Variants in PAX2 observed in about 807,000 individuals in gnomAD.
PAX2 encodes paired box protein Pax-2.
A neutral mutation model predicts 41.7 loss-of-function variants in PAX2; 9 were observed. The observed-to-expected ratio is 0.22, with a 90% CI of 0.13 to 0.38. The LOEUF is 0.38. PAX2 is among the 10% of genes least tolerant of loss of function. The pLI is 1.00. For missense variants in PAX2, 418 were observed against 531.6 expected, an observed-to-expected ratio of 0.79 and a Z score of 2.10; for synonymous variants, 221 against 212.7, an observed-to-expected ratio of 1.04 and a Z score of -0.34.
chr10:100,780,488 A>G (rs570188625), intron 4 of PAX2, among the ~76,000 whole-genome samples: 39 of 151,900 alleles, frequency 2.6e-4, no homozygotes, highest in Middle Eastern at 3.4e-3. Flanking sequence ...CCAGCCCTCC[A>G]GGAGTTGGCA....
At chr10:100,778,426 T>C (rs1329755607) in intron 3 of PAX2, among the ~76,000 whole-genome samples, 1 of 152,206 alleles carries the variant, frequency 6.6e-6, no homozygotes, top group African/African-American at 2.4e-5. Context: ...CCCACCTTCA[T>C]ATCCAGCACT....
intron 3 of PAX2, among the ~76,000 whole-genome samples, chr10:100,760,832 G>A (rs775085907): frequency 3.3e-5 from 5 of 152,156 alleles, no homozygotes; most frequent in Non-Finnish European, 7.3e-5. Context: ...AATCTGATAA[G>A]ATAAGGAAGG....
chr10:100,815,305 GC>G (rs1848151462), intron 7 of PAX2, among the ~76,000 whole-genome samples: 1 of 152,144 alleles, frequency 6.6e-6, no homozygotes. Flanking sequence ...TCAGCTCAAA[GC>G]CCCTGATTAG....
At chr10:100,779,247 T>C (rs1458686431) in intron 3 of PAX2, among the ~76,000 whole-genome samples, 5 of 152,148 alleles carry the variant, frequency 3.3e-5, no homozygotes, top group Non-Finnish European at 1.5e-5. Flanking sequence ...CAAACAATAA[T>C]TTGGGTGATG....
chr10:100,815,102 C>T (rs1848143634), intron 7 of PAX2, among the ~76,000 whole-genome samples: 1 of 152,298 alleles, frequency 6.6e-6, no homozygotes, highest in South Asian at 2.1e-4. Flanking sequence ...GAAACCTCCT[C>T]CTCCTACTCA....
upstream of PAX2, among the ~76,000 whole-genome samples, chr10:100,740,977 G>A (rs991349671): frequency 2.6e-5 from 4 of 152,234 alleles, no homozygotes; most frequent in Non-Finnish European, 5.9e-5. Flanking sequence ...GCCCATGGGC[G>A]GTAGCCACCT....
At chr10:100,823,173 T>G (rs889507874) in intron 7 of PAX2, among the ~76,000 whole-genome samples, 5 of 152,154 alleles carry the variant, frequency 3.3e-5, no homozygotes, top group Non-Finnish European at 5.9e-5. Flanking sequence ...GAAGGCTATG[T>G]CAAGAAGGAC....
intron 3 of PAX2, among the ~76,000 whole-genome samples, chr10:100,752,710 T>C (rs994304138): frequency 6.6e-6 from 1 of 152,202 alleles, no homozygotes; most frequent in African/African-American, 2.4e-5. Context: ...TTCTCTTGAA[T>C]GGGGTAGAGG....
At chr10:100,756,696 A>G (rs925586987) in intron 3 of PAX2, among the ~76,000 whole-genome samples, 4 of 152,234 alleles carry the variant, frequency 2.6e-5, no homozygotes, top group African/African-American at 9.6e-5. Flanking sequence ...GTTAAGGAGC[A>G]TCTGTACACT....
At chr10:100,805,230 A>G (rs2133947854) in intron 5 of PAX2, among the ~76,000 whole-genome samples, 1 of 152,314 alleles carries the variant, frequency 6.6e-6, no homozygotes, top group East Asian at 1.9e-4. Context: ...TGGTCTCCTG[A>G]ATGATACTGT....
Position 100,750,940 on chromosome 10 carries a change from C to T in PAX2, c.410+49C>T, listed in dbSNP as rs907478472. On this transcript the variant is annotated intron_variant, in intron 3 of 9. Coordinates refer to ENST00000355243, the MANE Select transcript of PAX2 (RefSeq NM_000278.5). The surrounding 1 kb of genome is among the most constrained non-coding windows in gnomAD (Gnocchi z 4.1). The stretch of plus-strand genomic sequence containing the variant: ...AGGGCTGGACTCCAGCTCCTGGCTC[C>T]TGCCTGCAGGGGTGTCCCACGCCCA... 7.0e-7 allele frequency: 1 copy of T among 1,432,526 alleles called. No individual in the cohort carries two copies. Among genetic ancestry groups the T allele is most frequent in the Non-Finnish European group, 9.8e-7 (1 of 1,016,656 alleles). 88.7% of individuals were successfully genotyped at this position (1,432,526 alleles called of 1,614,324 possible).
chr10:100,799,052 G>C (rs995633801), intron 5 of PAX2, among the ~76,000 whole-genome samples: 1 of 152,166 alleles, frequency 6.6e-6, no homozygotes, highest in South Asian at 2.1e-4. Context: ...TGGGAAGACT[G>C]GGGGGCAGCC....
intron 5 of PAX2, among the ~76,000 whole-genome samples, chr10:100,796,670 C>T (rs1432023784): frequency 6.6e-6 from 1 of 152,224 alleles, no homozygotes; most frequent in Non-Finnish European, 1.5e-5. Flanking sequence ...GTCTTTCCCC[C>T]AGCATGGAGC....
chr10:100,746,221 G>C lies in PAX2; in HGVS notation c.-40G>C, dbSNP rs1051891486. ...TGAAGTTGAGTTTGAGAGGCGACAC[G>C]GCGGCGGCGGCCGCGCTGCTCCCGC... On this transcript the variant is annotated 5_prime_UTR_variant, in exon 1 of 10. Transcript: ENST00000355243. 2 of 1,600,410 alleles carry C rather than the reference G, an allele frequency of 1.2e-6. No individual in the cohort carries two copies. Among genetic ancestry groups the C allele is most frequent in the South Asian group, 1.1e-5 (1 of 90,884 alleles).
chr10:100,788,968 A>G (rs1846990251), intron 5 of PAX2, among the ~76,000 whole-genome samples: 1 of 151,898 alleles, frequency 6.6e-6, no homozygotes, highest in South Asian at 2.1e-4. Flanking sequence ...GTGTGCTCCC[A>G]GGTTTCTAAA....
At chr10:100,804,463 TC>T (rs1847687274) in intron 5 of PAX2, among the ~76,000 whole-genome samples, 1 of 152,286 alleles carries the variant, frequency 6.6e-6, no homozygotes, top group East Asian at 1.9e-4. Flanking sequence ...GATGCTTTCC[TC>T]AGCCCTGAGA....
intron 5 of PAX2, among the ~76,000 whole-genome samples, chr10:100,789,829 C>T (rs1847028799): frequency 6.6e-6 from 1 of 152,210 alleles, no homozygotes; most frequent in African/African-American, 2.4e-5. Context: ...ATATTTTAGC[C>T]AAACTCTCTG....
chr10:100,816,946 C>G (rs896090380), intron 7 of PAX2, among the ~76,000 whole-genome samples: 2 of 152,178 alleles, frequency 1.3e-5, no homozygotes, highest in Non-Finnish European at 2.9e-5. Context: ...CTGAAAAACA[C>G]TGCGCTTTTG....
exon 1 of PAX2, chr10:100,735,682 G>T: frequency 9.5e-7 from 1 of 1,057,804 alleles, no homozygotes; most frequent in South Asian, 4.5e-5. Context: ...CCCAGCCCCA[G>T]GACGCGGCGG....
Sources: allele counts gnomAD v4.1 joint callset (sites outside exome capture counted in the v4.1 genomes callset), GRCh38; gene constraint gnomAD v4.1.1; non-coding constraint Gnocchi (gnomAD v3.1); transcripts MANE v1.5; gene names NCBI Gene and HGNC (gene_info 2026-07-23, HGNC 2026-07-21).